Variants in MOB1A observed in about 807,000 individuals in gnomAD.
MOB1A encodes MOB1 Mps One Binder homolog A.
Under a neutral mutation model 25.1 loss-of-function variants are expected in MOB1A, and 10 were observed. The observed-to-expected ratio is 0.40, with a 90% CI of 0.25 to 0.68. The LOEUF (loss-of-function observed/expected upper bound fraction) is 0.68, where lower values mean the gene tolerates loss of function less well. Ranked by LOEUF, MOB1A falls within the 30% of genes least tolerant of loss-of-function variation. The pLI is 0.40. For synonymous variants in MOB1A, 81 were observed against 79.5 expected (o/e 1.02, Z -0.10); for missense variants, 177 against 256.3 (o/e 0.69, Z 2.11).
intron 2 of MOB1A, among the ~76,000 whole-genome samples, chr2:74,169,359 G>A (rs1033326238): frequency 5.3e-5 from 8 of 151,922 alleles, no homozygotes; most frequent in Admixed American, 4.6e-4. Flanking sequence ...AAAATTAGCC[G>A]GGCATGGTAG....
Position 74,178,749 on chromosome 2 carries a change from C to T in MOB1A, c.-75G>A. ...AGGATTCGGAGCTGGCTAGAGGGAG[C>T]GGACCGTCCTTAGCTCACGGGCAGC... On this transcript the variant is annotated 5_prime_UTR_variant, in exon 1 of 6. Transcript: ENST00000396049. 2.8e-6 allele frequency: 2 copies of T among 708,450 alleles called. No individual in the cohort carries two copies. The highest frequency in any genetic ancestry group is 1.9e-6 in the Non-Finnish European group (1 of 514,956). The allele number at this position is 708,450 out of a possible 1,614,324, so 43.9% of individuals were successfully genotyped here. A position where few individuals can be genotyped will look rare whatever the true frequency, so the allele number is the denominator to read the frequency against.
chr2:74,176,438 G>T (rs1693468123), intron 1 of MOB1A, among the ~76,000 whole-genome samples: 1 of 151,392 alleles, frequency 6.6e-6, no homozygotes, highest in South Asian at 2.1e-4. Flanking sequence ...AATGTATAAA[G>T]AAGTCCTACA....
At chr2:74,177,914 G>T (rs1693521746) in intron 1 of MOB1A, 1 of 152,108 alleles carries the variant, frequency 6.6e-6, no homozygotes, top group South Asian at 2.1e-4. Context: ...GTTTGGTTGG[G>T]CTCAGGCATT....
chr2:74,174,325 G>A (rs1693390648), intron 1 of MOB1A, among the ~76,000 whole-genome samples: 1 of 151,842 alleles, frequency 6.6e-6, no homozygotes, highest in Non-Finnish European at 1.5e-5. Flanking sequence ...GCCAAGTGCA[G>A]TCGCTCACAC....
intron 1 of MOB1A, 53 bp downstream of exon 1, chr2:74,178,608 T>C (rs1418940745): frequency 6.8e-6 from 9 of 1,326,052 alleles, no homozygotes; most frequent in South Asian, 5.4e-5. Context: ...CGGGGAGGCC[T>C]CCCCCACAAC....
At chr2:74,174,076 C>T (rs1411551666) in intron 1 of MOB1A, among the ~76,000 whole-genome samples, 11 of 148,960 alleles carry the variant, frequency 7.4e-5, no homozygotes, top group Non-Finnish European at 1.6e-4. Context: ...GACTATCCTG[C>T]CCAACATGGT....
chr2:74,173,090 C>A, intron 1 of MOB1A: 1 of 461,448 alleles, frequency 2.2e-6, no homozygotes, highest in South Asian at 1.6e-5. Flanking sequence ...AAGCTGAAAT[C>A]GCATCACTGC....
intron 1 of MOB1A, among the ~76,000 whole-genome samples, chr2:74,177,747 T>C (rs1181073870): frequency 2.0e-5 from 3 of 152,096 alleles, no homozygotes; most frequent in Admixed American, 6.6e-5. Flanking sequence ...ATAACTAAAA[T>C]TGGATAATTA....
At chr2:74,166,942 CTG>C in intron 3 of MOB1A, 70 bp downstream of exon 3, 2 of 1,084,516 alleles carry the variant, frequency 1.8e-6, no homozygotes, top group Non-Finnish European at 1.4e-6. Context: ...CAAATCTTAA[CTG>C]TTTAATTTCT....
chr2:74,178,702 G>GC lies in MOB1A; in HGVS notation c.-29dup. On this transcript the variant is annotated 5_prime_UTR_variant, in exon 1 of 6. Coordinates refer to ENST00000396049, the MANE Select transcript of MOB1A (RefSeq NM_018221.5). ...TCGGTCCTCAGAGGGGAGGCGAGGG[G>GC]CCCCTGGCCCCCGCCTGGATCAGGA... 1 of 1,271,808 alleles carries GC rather than the reference G, an allele frequency of 7.9e-7. No homozygotes were observed. Among genetic ancestry groups the GC allele is most frequent in the Non-Finnish European group, 1.0e-6 (1 of 992,352 alleles). 78.8% of individuals were successfully genotyped at this position (1,271,808 alleles called of 1,614,324 possible).
chr2:74,168,153 A>G (rs1693184889), intron 2 of MOB1A, among the ~76,000 whole-genome samples: 1 of 152,112 alleles, frequency 6.6e-6, no homozygotes, highest in South Asian at 2.1e-4. Context: ...AATAGCAATA[A>G]TAGTACAAGA....
At chr2:74,176,531 G>A (rs187351775) in intron 1 of MOB1A, among the ~76,000 whole-genome samples, 25 of 152,040 alleles carry the variant, frequency 1.6e-4, no homozygotes, top group African/African-American at 4.3e-4. Context: ...TTGGGAGGCC[G>A]AGGTGGGCGG....
chr2:74,176,125 A>ACACAC (rs1558840671), intron 1 of MOB1A, among the ~76,000 whole-genome samples: 3 of 93,642 alleles, frequency 3.2e-5, no homozygotes, highest in African/African-American at 8.8e-5. Context: ...CACACACACA[A>ACACAC]ACTAGCCGGG....
rs979628357 is a variant in MOB1A, at chr2:74,154,414, A to G, written c.*2154T>C. 62 of 152,252 alleles carry G rather than the reference A, an allele frequency of 4.1e-4. No individual in the cohort carries two copies. Among genetic ancestry groups the G allele is most frequent in the Middle Eastern group, 3.4e-3 (1 of 294 alleles). 9.4% of individuals were successfully genotyped at this position (152,252 alleles called of 1,614,324 possible). A position where few individuals can be genotyped will look rare whatever the true frequency, so the allele number is the denominator to read the frequency against. ...TGGTAATGTTTTTATTTTTATTTTAAAAAAGGACAGTCTTGAGTCTCAAAA... is the reference window on the plus strand; with the variant it reads ...TGGTAATGTTTTTATTTTTATTTTAGAAAAGGACAGTCTTGAGTCTCAAAA... On this transcript the variant is annotated 3_prime_UTR_variant, in exon 6 of 6. Coordinates refer to ENST00000396049, the MANE Select transcript of MOB1A (RefSeq NM_018221.5).
chr2:74,177,351 T>C (rs557136307), intron 1 of MOB1A, among the ~76,000 whole-genome samples: 2 of 151,904 alleles, frequency 1.3e-5, no homozygotes, highest in African/African-American at 2.4e-5. Context: ...AAACTCCGTC[T>C]CAAAAAATAA....
chr2:74,173,599 G>C (rs62147661), intron 1 of MOB1A, among the ~76,000 whole-genome samples: 134,332 of 150,252 alleles, frequency 0.89, 60,400 homozygotes, highest in East Asian at 1. Context: ...CCAGGCTGGT[G>C]TCGAACTCCT....
At chr2:74,159,824 C>CTT (rs915644876) in intron 4 of MOB1A, among the ~76,000 whole-genome samples, 1 of 105,328 alleles carries the variant, frequency 9.5e-6, no homozygotes, top group Admixed American at 1.1e-4. Context: ...TTTGTCCCCC[C>CTT]CCCCACCCCG....
rs1017229118 is a variant in MOB1A at position 74,163,629 on chromosome 2, C to A, written c.409+1589G>T. ...CTCCAGGCTGGGGAACAGAGTGAGA[C>A]CCTGTCTCAAAAAAAATTAAAAATA... On this transcript the variant is annotated intron_variant, in intron 4 of 5. Transcript: ENST00000396049. Among the ~76,000 whole-genome samples, 12 of 151,882 alleles carry A rather than the reference C, an allele frequency of 7.9e-5. 1 individual carries two copies. Among genetic ancestry groups the A allele is most frequent in the South Asian group, 4.2e-4 (2 of 4,814 alleles).
intron 4 of MOB1A, among the ~76,000 whole-genome samples, chr2:74,161,067 A>G (rs1414090553): frequency 6.6e-6 from 1 of 152,196 alleles, no homozygotes; most frequent in African/African-American, 2.4e-5. Flanking sequence ...CTCAAAAAAT[A>G]AAAATAAAAA....
Sources: gnomAD v4.1 joint callset for allele counts (sites outside exome capture counted in the v4.1 genomes callset) on GRCh38, gnomAD v4.1.1 for gene constraint, MANE v1.5 for transcripts, NCBI Gene and HGNC (gene_info 2026-07-23, HGNC 2026-07-21) for gene names.